The following ABHD2 variants were observed in gnomAD, a reference collection of about 807,000 sequenced individuals.
ABHD2 encodes monoacylglycerol lipase ABHD2.
ABHD2 carries 20 observed loss-of-function variants against 48.1 expected under a neutral mutation model. That is an observed-to-expected ratio of 0.42 (90% CI 0.29 to 0.60). The LOEUF (loss-of-function observed/expected upper bound fraction) is 0.60. Ranked by LOEUF, ABHD2 falls within the 20% of genes least tolerant of loss-of-function variation. The probability of loss-of-function intolerance (pLI) is 0.24; values close to 1 mark genes in which losing one functional copy is unlikely to be tolerated. For synonymous variants in ABHD2, 209 were observed against 214.2 expected (o/e 0.98, Z 0.21); for missense variants, 405 against 550.9 (o/e 0.74, Z 2.65).
intron 1 of ABHD2, among the ~76,000 whole-genome samples, chr15:89,105,008 T>C (rs752234450): frequency 6.6e-6 from 1 of 152,242 alleles, no homozygotes; most frequent in Non-Finnish European, 1.5e-5. Flanking sequence ...ATATGCCTGT[T>C]CTCTTAGAAA....
Position 89,185,946 on chromosome 15 carries a change from G to A in ABHD2, c.815+430G>A, listed in dbSNP as rs2051200950. On this transcript the variant is annotated intron_variant, in intron 7 of 10. Transcript: ENST00000352732. The surrounding 1 kb of genome is among the most constrained non-coding windows in gnomAD (Gnocchi z 5.9). ...TGCGCCAATGCACCCCAGCCTGGGT[G>A]ACAGAGCGAGACCCTGTCTGAAAAA... Among the ~76,000 whole-genome samples, 3 of 152,186 alleles carry A rather than the reference G, an allele frequency of 2.0e-5. No individual in the cohort carries two copies. Among genetic ancestry groups the A allele is most frequent in the Admixed American group, 2.0e-4 (3 of 15,276 alleles).
At position 89,112,695 on chromosome 15, in the gene ABHD2, G is replaced by A. The variant is rs187604386; in HGVS notation, c.-106-1030G>A. ...GCTGTTTACAGCTGTCTGACTTTGG[G>A]CAAGCCTCTGGTGTCTTGTGTGTGT... On this transcript the variant is annotated intron_variant, in intron 1 of 10. Coordinates refer to ENST00000352732, the MANE Select transcript of ABHD2 (RefSeq NM_152924.5). Among the ~76,000 whole-genome samples, 209 of 152,284 alleles carry A rather than the reference G, an allele frequency of 1.4e-3. 2 individuals carry two copies. Among genetic ancestry groups the A allele is most frequent in the African/African-American group, 4.9e-3 (202 of 41,550 alleles).
Position 89,146,416 on chromosome 15 carries a change from G to A in ABHD2, c.195-5261G>A, listed in dbSNP as rs545747332. Reference sequence around the variant, plus strand: ...TGTGTGTGTACGTATGTATATGGGGGGTGGGAGGGAGATCCAGACCCTTGT... The same window carrying A: ...TGTGTGTGTACGTATGTATATGGGGAGTGGGAGGGAGATCCAGACCCTTGT... On this transcript the variant is annotated intron_variant, in intron 3 of 10. Coordinates refer to ENST00000352732, the MANE Select transcript of ABHD2 (RefSeq NM_152924.5). This position sits in a 1 kb window ranked among gnomAD's most constrained non-coding sequence, Gnocchi z 4.2. Among the ~76,000 whole-genome samples the A allele has an allele frequency of 6.7e-6, 1 of 149,618 alleles. No individual in the cohort carries two copies. The highest frequency in any genetic ancestry group is 6.7e-5 in the Admixed American group (1 of 14,960).
chr15:89,143,499 C>T (rs187795803), intron 3 of ABHD2, among the ~76,000 whole-genome samples: 6 of 152,140 alleles, frequency 3.9e-5, no homozygotes, highest in Non-Finnish European at 8.8e-5. Flanking sequence ...GAAACCCCGT[C>T]TGTACTAAAA....
chr15:89,123,593 C>CTTTTTTTTTTTTT (rs138910210), intron 3 of ABHD2, among the ~76,000 whole-genome samples: 39 of 96,676 alleles, frequency 4.0e-4, no homozygotes, highest in South Asian at 7.3e-4. Context: ...TTCTTTCTTT[C>CTTTTTTTTTTTTT]TTTTTTTTTT....
At chr15:89,062,330 G>A in the ABHD2 span, among the ~76,000 whole-genome samples, 23 of 151,954 alleles carry the variant, frequency 1.5e-4, 1 homozygote, top group African/African-American at 5.3e-4. Flanking sequence ...ACTGGAGGAA[G>A]TTATGGAATT....
chr15:89,047,147 G>A, the ABHD2 span, among the ~76,000 whole-genome samples: 4 of 151,786 alleles, frequency 2.6e-5, no homozygotes, highest in South Asian at 2.1e-4. Context: ...CCTTCATTTC[G>A]TTATGTACCC....
rs2050498794 is a variant in ABHD2 at position 89,146,761 on chromosome 15, T to C, written c.195-4916T>C. On this transcript the variant is annotated intron_variant, in intron 3 of 10. Transcript: ENST00000352732. This position sits in a 1 kb window ranked among gnomAD's most constrained non-coding sequence, Gnocchi z 4.2. ...TAAAAATGGAATATTCTGTAAAACA[T>C]GAAGAAAGCAATGAAATTTTACTAT... 6.6e-6 allele frequency among the ~76,000 whole-genome samples: 1 copy of C among 152,060 alleles called. No homozygotes were observed. Among genetic ancestry groups the C allele is most frequent in the African/African-American group, 2.4e-5 (1 of 41,372 alleles).
At chr15:89,121,723 G>A (rs2050054383) in intron 3 of ABHD2, among the ~76,000 whole-genome samples, 1 of 152,014 alleles carries the variant, frequency 6.6e-6, no homozygotes, top group Non-Finnish European at 1.5e-5. Flanking sequence ...TTCTCTCATT[G>A]CCTGTGAAGT....
intron 3 of ABHD2, among the ~76,000 whole-genome samples, chr15:89,118,274 C>T (rs1381242178): frequency 6.6e-6 from 1 of 151,902 alleles, no homozygotes; most frequent in Non-Finnish European, 1.5e-5. Flanking sequence ...ACCTCTGCTT[C>T]CCAGGTTCAA....
the ABHD2 span, among the ~76,000 whole-genome samples, chr15:89,050,228 A>G: frequency 1.3e-5 from 2 of 152,192 alleles, no homozygotes; most frequent in African/African-American, 4.8e-5. Context: ...CACACACATG[A>G]ACCCAGAGAA....
At chr15:89,142,497 A>G (rs2050420012) in intron 3 of ABHD2, among the ~76,000 whole-genome samples, 1 of 152,220 alleles carries the variant, frequency 6.6e-6, no homozygotes, top group African/African-American at 2.4e-5. Context: ...TTGCTGTAGT[A>G]AGATTCCAGT....
intron 1 of ABHD2, among the ~76,000 whole-genome samples, chr15:89,090,983 C>T (rs895893760): frequency 7.2e-5 from 11 of 152,198 alleles, no homozygotes; most frequent in Admixed American, 3.9e-4. Context: ...GTGACTGATC[C>T]GTGCTGGCAA....
At chr15:89,059,845 G>C in the ABHD2 span, among the ~76,000 whole-genome samples, 1 of 152,088 alleles carries the variant, frequency 6.6e-6, no homozygotes, top group Non-Finnish European at 1.5e-5. Flanking sequence ...CTGCTGCAGG[G>C]TCCGTGGCCG....
At position 89,191,633 on chromosome 15, in the gene ABHD2, T is replaced by C. The variant is rs191286790; in HGVS notation, c.996+484T>C. Among the ~76,000 whole-genome samples, 497 of 150,068 alleles carry C rather than the reference T, an allele frequency of 3.3e-3. 2 individuals carry two copies. The highest frequency in any genetic ancestry group is 0.011 in the African/African-American group (446 of 40,956). Reference sequence around the variant, plus strand: ...TGAGCATGTCTATTTTTTTCTTTTTTTTTTTTTTTTTTGAGATGGAGTCTC... The same window carrying C: ...TGAGCATGTCTATTTTTTTCTTTTTCTTTTTTTTTTTTGAGATGGAGTCTC... On this transcript the variant is annotated intron_variant, in intron 9 of 10. Coordinates refer to ENST00000352732, the MANE Select transcript of ABHD2 (RefSeq NM_152924.5).
In ABHD2 at chr15:89,201,444, T is replaced by G; in HGVS notation, c.*6021T>G. On this transcript the variant is annotated 3_prime_UTR_variant, in exon 11 of 11. Transcript: ENST00000352732. ...TTGGGGATCTCCATTTGGAATCCAT[T>G]AATTCATGAGGTTTTGCCTCATTCC... 7.3e-7 allele frequency: 1 copy of G among 1,363,702 alleles called. No individual in the cohort carries two copies. The highest frequency in any genetic ancestry group is 1.2e-5 in the South Asian group (1 of 81,946). The allele number at this position is 1,363,702 out of a possible 1,614,324, so 84.5% of individuals were successfully genotyped here.
intron 3 of ABHD2, among the ~76,000 whole-genome samples, chr15:89,129,114 A>C (rs570429125): frequency 6.6e-6 from 1 of 152,302 alleles, no homozygotes; most frequent in South Asian, 2.1e-4. Context: ...CAGGATGTGC[A>C]CAGGGTTATG....
At position 89,166,799 on chromosome 15, in the gene ABHD2, C is replaced by A. The variant is rs867516699; in HGVS notation, c.539-9013C>A. On this transcript the variant is annotated intron_variant, in intron 5 of 10. Coordinates refer to ENST00000352732, the MANE Select transcript of ABHD2 (RefSeq NM_152924.5). This position sits in a 1 kb window ranked among gnomAD's most constrained non-coding sequence, Gnocchi z 4.6. ...CCTGAGCTACAGAGTGAGACCCTAT[C>A]TCTTAAAACAAACAAACATATATAC... is the stretch of plus-strand genomic sequence containing the variant. 6.6e-6 allele frequency among the ~76,000 whole-genome samples: 1 copy of A among 152,292 alleles called. No homozygotes were observed. Among genetic ancestry groups the A allele is most frequent in the Middle Eastern group, 3.4e-3 (1 of 294 alleles).
At chr15:89,142,470 C>T (rs988327939) in intron 3 of ABHD2, among the ~76,000 whole-genome samples, 3 of 152,120 alleles carry the variant, frequency 2.0e-5, no homozygotes, top group Non-Finnish European at 2.9e-5. Context: ...GGTTTCACTC[C>T]GGGTGACATA....
Sources: allele counts gnomAD v4.1 joint callset (sites outside exome capture counted in the v4.1 genomes callset), GRCh38; gene constraint gnomAD v4.1.1; non-coding constraint Gnocchi (gnomAD v3.1); transcripts MANE v1.5; gene names NCBI Gene and HGNC (gene_info 2026-07-23, HGNC 2026-07-21).